The following LINGO1 variants were observed in gnomAD, a reference collection of about 807,000 sequenced individuals.
LINGO1 encodes the protein leucine-rich repeat and immunoglobulin-like domain-containing nogo receptor-interacting protein 1.
Under a neutral mutation model 37.3 loss-of-function variants are expected in LINGO1, and 11 were observed. That is an observed-to-expected ratio of 0.29 (90% CI 0.19 to 0.49). The LOEUF is 0.49. Among genes scored for constraint, LINGO1 ranks in the 20% least tolerant of loss-of-function variants. The pLI, the probability that LINGO1 is intolerant of heterozygous loss-of-function variation, is 0.99. For missense variants in LINGO1, 585 were observed against 878.2 expected, an observed-to-expected ratio of 0.67 and a Z score of 4.22; for synonymous variants, 387 against 403.0, an observed-to-expected ratio of 0.96 and a Z score of 0.48.
At position 77,632,345 on chromosome 15, in the gene LINGO1, G is replaced by A. The variant is rs1257187179; in HGVS notation, c.-30C>T. ...GGCGCGCCTTCGGTCCGCTCGGCTC[G>A]GTCACCAATCGCATGTCTCTCCAGC... On this transcript the variant is annotated 5_prime_UTR_variant, in exon 1 of 2. Coordinates refer to ENST00000355300, the MANE Select transcript of LINGO1 (RefSeq NM_032808.7). The surrounding 1 kb of genome is among the most constrained non-coding windows in gnomAD (Gnocchi z 6.0). The A allele has an allele frequency of 1.4e-6, 2 of 1,425,098 alleles. No individual in the cohort carries two copies. Among genetic ancestry groups the A allele is most frequent in the Admixed American group, 2.5e-5 (1 of 39,444 alleles). The allele number at this position is 1,425,098 out of a possible 1,614,324, so 88.3% of individuals were successfully genotyped here.
At chr15:77,625,050 G>A (rs751308961) in intron 1 of LINGO1, among the ~76,000 whole-genome samples, 9 of 152,188 alleles carry the variant, frequency 5.9e-5, no homozygotes, top group Admixed American at 2.0e-4. Context: ...GGGCCCCCAG[G>A]GGGAACCCTC....
At chr15:77,651,736 G>A (rs2074761789) in intron 3 of LINGO1, 1 of 152,202 alleles carries the variant, frequency 6.6e-6, no homozygotes, top group African/African-American at 2.4e-5. Context: ...GTGCTTGATC[G>A]ATGAGCAACT....
chr15:77,667,219 CG>C, intron 3 of LINGO1: 1 of 152,410 alleles, frequency 6.6e-6, no homozygotes. Flanking sequence ...GGAGTGTGGC[CG>C]GGGGCAAGGG....
chr15:77,748,461 AGCCT>A (rs55839703), intron 1 of LINGO1, among the ~76,000 whole-genome samples: 51,241 of 151,954 alleles, frequency 0.34, 9,671 homozygotes, highest in Admixed American at 0.46. Context: ...CCCAGCACAG[AGCCT>A]GGCTCAGGGC....
chr15:77,722,658 G>A (rs2076061917), intron 2 of LINGO1, among the ~76,000 whole-genome samples: 1 of 152,208 alleles, frequency 6.6e-6, no homozygotes, highest in East Asian at 1.9e-4. Context: ...TCACGGTTCT[G>A]TCTTTTAAAG....
At chr15:77,724,674 G>A (rs2076084919) in intron 2 of LINGO1, among the ~76,000 whole-genome samples, 1 of 152,180 alleles carries the variant, frequency 6.6e-6, no homozygotes, top group Non-Finnish European at 1.5e-5. Flanking sequence ...ATGAGGGGGA[G>A]GCACATAAAG....
upstream of LINGO1, among the ~76,000 whole-genome samples, chr15:77,699,778 C>CACACACAATAAGCACATACTAA (rs1567532417): frequency 8.1e-6 from 1 of 123,958 alleles, no homozygotes; most frequent in African/African-American, 3.1e-5. Flanking sequence ...CCATCATTCC[C>CACACACAATAAGCACATACTAA]CCCCTCTACC....
chr15:77,647,887 T>C (rs1567487639), intron 3 of LINGO1: 3 of 456,520 alleles, frequency 6.6e-6, no homozygotes, highest in Non-Finnish European at 8.8e-6. Context: ...ACAGAGGAAA[T>C]ATTTTTCTGG....
At position 77,776,487 on chromosome 15, in the gene LINGO1, A is replaced by AGGC. The variant is rs1567577575; in HGVS notation, c.-257+10381_-257+10382insGCC. ...AAGGCAGGAAGGCAGGAAGGCAGGA[A>AGGC]AGCAGGAAGGCAGGAAGGCAGGAAG... is the stretch of plus-strand genomic sequence containing the variant. On this transcript the variant is annotated intron_variant, in intron 1 of 3. Transcript: ENST00000561686. Among the ~76,000 whole-genome samples the AGGC allele has an allele frequency of 2.1e-3, 267 of 128,982 alleles. 3 individuals carry two copies. Among genetic ancestry groups the AGGC allele is most frequent in the African/African-American group, 6.4e-3 (203 of 31,856 alleles). 84.6% of individuals were successfully genotyped at this position (128,982 alleles called of 152,430 possible).
Position 77,614,835 on chromosome 15 carries a change from C to A in LINGO1, c.1072G>T (p.Val358Leu). The A allele has an allele frequency of 6.2e-7, 1 of 1,613,122 alleles. No individual in the cohort carries two copies. The highest frequency in any genetic ancestry group is 8.5e-7 in the Non-Finnish European group (1 of 1,179,568). ...AGGATGAGTGTCTCCAGGTTGCCCA[C>A]CGAGTGGAAGACTGATTCCTCCAGT... ...TTLEESVFHS[V>L]GNLETLILDS... Residue 358 changes from valine (V) to leucine (L), a missense_variant, in exon 2 of 2, where the codon GTG becomes TTG. By Grantham distance (32) the Val-to-Leu change is conservative. This residue lies in a region of LINGO1 where 484 missense variants were observed against 735.0 expected (regional missense o/e 0.66). Transcript: ENST00000355300.
intron 1 of LINGO1, among the ~76,000 whole-genome samples, chr15:77,695,008 A>G (rs1314169122): frequency 6.6e-6 from 1 of 151,550 alleles, no homozygotes; most frequent in Non-Finnish European, 1.5e-5. Flanking sequence ...TTTTTTTTTT[A>G]ATTTTTGACC....
intron 1 of LINGO1, among the ~76,000 whole-genome samples, chr15:77,766,777 T>C (rs1483236625): frequency 6.6e-6 from 1 of 152,184 alleles, no homozygotes; most frequent in African/African-American, 2.4e-5. Flanking sequence ...CCTTTACAAA[T>C]TACCCAGTCT....
At chr15:77,652,483 AGTGT>A (rs773433884) in intron 3 of LINGO1, among the ~76,000 whole-genome samples, 2,206 of 128,924 alleles carry the variant, frequency 0.017, 50 homozygotes, top group African/African-American at 0.053. Flanking sequence ...GGGGAGGGAG[AGTGT>A]GTGTGTGTGT....
intron 2 of LINGO1, among the ~76,000 whole-genome samples, chr15:77,731,106 G>A (rs553905613): frequency 4.6e-5 from 7 of 152,124 alleles, no homozygotes; most frequent in African/African-American, 7.2e-5. Flanking sequence ...TTATTATTCC[G>A]GGTACCTTCC....
chr15:77,625,697 C>A (rs1358538214), intron 1 of LINGO1, among the ~76,000 whole-genome samples: 2 of 152,158 alleles, frequency 1.3e-5, no homozygotes, highest in East Asian at 3.9e-4. Context: ...TGATGAGTGG[C>A]AGACCTGGGA....
intron 1 of LINGO1, among the ~76,000 whole-genome samples, chr15:77,623,918 ATG>A (rs961242594): frequency 5.4e-5 from 6 of 110,596 alleles, no homozygotes; most frequent in Non-Finnish European, 8.8e-5. Flanking sequence ...TGTGTGACTG[ATG>A]TGTGTGTGTG....
Position 77,614,863 on chromosome 15 carries a change from G to A in LINGO1, c.1044C>T (p.Thr348=), listed in dbSNP as rs2142478080. Residue 348 remains threonine (T), a synonymous_variant, in exon 2 of 2, where the codon ACC becomes ACT. Transcript: ENST00000355300. ...RVLNVSGNQL[T]TLEESVFHSV... Reference sequence around the variant, plus strand: ...AGTGGAAGACTGATTCCTCCAGTGTGGTCAGCTGGTTGCCAGAGACATTGA... The same window carrying A: ...AGTGGAAGACTGATTCCTCCAGTGTAGTCAGCTGGTTGCCAGAGACATTGA... 6.2e-7 allele frequency: 1 copy of A among 1,613,886 alleles called. No homozygotes were observed. The highest frequency in any genetic ancestry group is 2.2e-5 in the East Asian group (1 of 44,874).
intron 1 of LINGO1, among the ~76,000 whole-genome samples, chr15:77,626,522 A>C (rs77936132): frequency 1.9e-3 from 291 of 152,344 alleles, no homozygotes; most frequent in Non-Finnish European, 2.2e-3. Context: ...TGGAGCCTCC[A>C]GTCAGACACA....
At chr15:77,652,213 C>G (rs1177396794) in intron 3 of LINGO1, 2 of 152,166 alleles carry the variant, frequency 1.3e-5, no homozygotes, top group African/African-American at 4.8e-5. Flanking sequence ...CTATGCCTCA[C>G]AGGGCCACCC....
Sources: gnomAD v4.1 joint callset for allele counts (sites outside exome capture counted in the v4.1 genomes callset) on GRCh38, gnomAD v4.1.1 for gene constraint, gnomAD v4.1.1 regional missense constraint, Gnocchi (gnomAD v3.1) non-coding constraint, MANE v1.5 for transcripts, NCBI Gene and HGNC (gene_info 2026-07-23, HGNC 2026-07-21) for gene names.